The following IGFBP5 variants were observed in gnomAD, a reference collection of about 807,000 sequenced individuals.
The protein encoded by IGFBP5 is insulin like growth factor binding protein 5.
In IGFBP5, 12 loss-of-function variants were observed where a neutral mutation model predicts 28.0. The ratio of observed to expected loss-of-function variants is 0.43; its 90% confidence interval spans 0.27 to 0.69. The LOEUF (loss-of-function observed/expected upper bound fraction) is 0.69. Ranked by LOEUF, IGFBP5 falls within the 30% of genes least tolerant of loss-of-function variation. IGFBP5 has a pLI of 0.20. For missense variants in IGFBP5, 344 were observed against 381.6 expected, an observed-to-expected ratio of 0.90 and a Z score of 0.82; for synonymous variants, 152 against 150.2, an observed-to-expected ratio of 1.01 and a Z score of -0.09.
chr2:216,685,704 T>C (rs1172932621), intron 1 of IGFBP5, among the ~76,000 whole-genome samples: 1 of 152,178 alleles, frequency 6.6e-6, no homozygotes, highest in Non-Finnish European at 1.5e-5. Flanking sequence ...TCAAATGGCT[T>C]TTCTGCGCTT....
At position 216,681,874 on chromosome 2, in the gene IGFBP5, C is replaced by T. The variant is rs555359183; in HGVS notation, c.338-2795G>A. On this transcript the variant is annotated intron_variant, in intron 1 of 3. Coordinates refer to ENST00000233813, the MANE Select transcript of IGFBP5 (RefSeq NM_000599.4). ...GGGCTGTCCTTAACCTTGAGTCACC[C>T]TTTCTGGGAGGGGGATGGGGCTGTT... Among the ~76,000 whole-genome samples the T allele has an allele frequency of 7.2e-5, 11 of 152,234 alleles. No homozygotes were observed. The South Asian group carries it at 2.3e-3, about 32-fold the overall frequency.
chr2:216,679,123 T>A lies in IGFBP5; in HGVS notation c.338-44A>T, dbSNP rs1553550684. 4 of 1,536,264 alleles carry A rather than the reference T, an allele frequency of 2.6e-6. No individual in the cohort carries two copies. The highest frequency in any genetic ancestry group is 3.6e-6 in the Non-Finnish European group (4 of 1,109,916). ...GAGGGTCAGCCCCCGTGGGCCAAGGTGCACACGGCCAGAGCCCAGGGCTGG... is the reference window on the plus strand; with the variant it reads ...GAGGGTCAGCCCCCGTGGGCCAAGGAGCACACGGCCAGAGCCCAGGGCTGG... On this transcript the variant is annotated intron_variant, in intron 1 of 3. Coordinates refer to ENST00000233813, the MANE Select transcript of IGFBP5 (RefSeq NM_000599.4). The surrounding 1 kb of genome is among the most constrained non-coding windows in gnomAD (Gnocchi z 4.6).
In IGFBP5 at chr2:216,692,952, C is replaced by T. The variant is rs1689118521; in HGVS notation, c.337+1487G>A. ...TGCACTATAGTGACTGAAATTTGCA[C>T]TTCAGAAAACTCATGTTAGGGTGCT... On this transcript the variant is annotated intron_variant, in intron 1 of 3. Coordinates refer to ENST00000233813, the MANE Select transcript of IGFBP5 (RefSeq NM_000599.4). This position sits in a 1 kb window ranked among gnomAD's most constrained non-coding sequence, Gnocchi z 4.2. Among the ~76,000 whole-genome samples the T allele has an allele frequency of 6.6e-6, 1 of 152,054 alleles. No individual in the cohort carries two copies. Among genetic ancestry groups the T allele is most frequent in the African/African-American group, 2.4e-5 (1 of 41,398 alleles).
chr2:216,682,860 C>T (rs1688992489), intron 1 of IGFBP5, among the ~76,000 whole-genome samples: 1 of 152,056 alleles, frequency 6.6e-6, no homozygotes, highest in South Asian at 2.1e-4. Flanking sequence ...AGGCGCCCGC[C>T]ACCATGCCCG....
chr2:216,686,223 A>G (rs974191115), intron 1 of IGFBP5, among the ~76,000 whole-genome samples: 1 of 152,226 alleles, frequency 6.6e-6, no homozygotes, highest in African/African-American at 2.4e-5. Flanking sequence ...AGCTGGGAAT[A>G]TATCTCTATC....
rs59144401 is a variant in IGFBP5 at position 216,692,362 on chromosome 2, CGTGTGTGTGTGTGTGTGTGTGT to C, written c.337+2055_337+2076del. On this transcript the variant is annotated intron_variant, in intron 1 of 3. Coordinates refer to ENST00000233813, the MANE Select transcript of IGFBP5 (RefSeq NM_000599.4). This position sits in a 1 kb window ranked among gnomAD's most constrained non-coding sequence, Gnocchi z 4.2. Reference sequence around the variant, plus strand: ...GGGATCTTGCTTGGGACTGAAGTGTCGTGTGTGTGTGTGTGTGTGTGTGTGTGTGTGTGTGTGTGTGATGCGC... The same window carrying C: ...GGGATCTTGCTTGGGACTGAAGTGTCGTGTGTGTGTGTGTGTGTGATGCGC... 2.1e-5 allele frequency among the ~76,000 whole-genome samples: 3 copies of C among 142,534 alleles called. No homozygotes were observed. The highest frequency in any genetic ancestry group is 3.1e-5 in the Non-Finnish European group (2 of 64,932). The allele number at this position is 142,534 out of a possible 152,430, so 93.5% of individuals were successfully genotyped here. A position where few individuals can be genotyped will look rare whatever the true frequency, so the allele number is the denominator to read the frequency against.
At chr2:216,693,322 G>T (rs1689123732) in intron 1 of IGFBP5, among the ~76,000 whole-genome samples, 2 of 151,934 alleles carry the variant, frequency 1.3e-5, no homozygotes, top group South Asian at 2.1e-4. Context: ...AAGCGGAGGC[G>T]AGGCTCCCAG....
chr2:216,688,756 T>A (rs1436100038), intron 1 of IGFBP5, among the ~76,000 whole-genome samples: 1 of 152,178 alleles, frequency 6.6e-6, no homozygotes, highest in Admixed American at 6.5e-5. Flanking sequence ...AAACATGAGA[T>A]AACTGAGTTC....
intron 1 of IGFBP5, among the ~76,000 whole-genome samples, chr2:216,682,769 C>T (rs1184675179): frequency 1.3e-5 from 2 of 151,504 alleles, no homozygotes; most frequent in African/African-American, 2.4e-5. Flanking sequence ...AGTGCAGTGG[C>T]GCGATCTCGG....
At position 216,678,898 on chromosome 2, in the gene IGFBP5, G is replaced by A. The variant is rs568267431; in HGVS notation, c.519C>T (p.Ala173=). 2.5e-6 allele frequency: 4 copies of A among 1,614,156 alleles called. No individual in the cohort carries two copies. The highest frequency in any genetic ancestry group is 3.4e-6 in the Non-Finnish European group (4 of 1,180,028). ...CAGGTGCAGAGATGATCCGGGGGTG[G>A]GCAGTGTTCTCGGCTCCCCCGACAA... ...SKFVGGAENT[A]HPRIISAPEM... is the part of the protein sequence containing the mutation. The change falls in exon 2 of 4, where the codon GCC becomes GCT. Residue 173 remains alanine (A), a synonymous_variant. Coordinates refer to ENST00000233813, the MANE Select transcript of IGFBP5 (RefSeq NM_000599.4).
intron 1 of IGFBP5, among the ~76,000 whole-genome samples, chr2:216,684,952 C>G (rs1158702020): frequency 6.6e-6 from 1 of 152,134 alleles, no homozygotes; most frequent in East Asian, 1.9e-4. Context: ...CTCCTGGATT[C>G]ACTGGGCTTC....
chr2:216,694,635 C>A lies in IGFBP5; in HGVS notation c.141G>T (p.Leu47=). ...MCPPSPLGCE[L]VKEPGCGCCM... ...AGCAGCCGCAGCCCGGCTCCTTGAC[C>A]AGCTCGCAGCCCAGGGGGCTGGGGG... is the stretch of plus-strand genomic sequence containing the variant. The change falls in exon 1 of 4, where the codon CTG becomes CTT. Residue 47 remains leucine (L), a synonymous_variant. Coordinates refer to ENST00000233813, the MANE Select transcript of IGFBP5 (RefSeq NM_000599.4). The surrounding 1 kb of genome is among the most constrained non-coding windows in gnomAD (Gnocchi z 5.2). 1 of 1,533,462 alleles carries A rather than the reference C, an allele frequency of 6.5e-7. No homozygotes were observed. The allele number at this position is 1,533,462 out of a possible 1,614,324, so 95.0% of individuals were successfully genotyped here.
rs543201400 is a variant in IGFBP5 at position 216,678,220 on chromosome 2, G to T, written c.579C>A (p.Arg193=). ...CCTGCAGGGAAGCCTCCATGTGTCT[G>T]CGGCAGGGGCCCTGTGTGGACAGGA... The part of the protein sequence containing the change: ...MRQESEQGPC[R]RHMEASLQEL... Residue 193 remains arginine, a synonymous_variant, in exon 3 of 4, where the codon CGC becomes CGA. Transcript: ENST00000233813. 5.1e-6 allele frequency: 8 copies of T among 1,577,000 alleles called. No individual in the cohort carries two copies. The South Asian group carries it at 9.4e-5, about 18-fold the overall frequency.
chr2:216,691,029 G>A (rs1268580311), intron 1 of IGFBP5, among the ~76,000 whole-genome samples: 1 of 152,022 alleles, frequency 6.6e-6, no homozygotes, highest in African/African-American at 2.4e-5. Context: ...AGGGGGTGCG[G>A]GTGGGAAAGG....
chr2:216,678,803 G>A, intron 2 of IGFBP5, 47 bp downstream of exon 2: 2 of 1,510,810 alleles, frequency 1.3e-6, no homozygotes, highest in Non-Finnish European at 1.8e-6. Context: ...TTAGATGCAG[G>A]AAAAGGTCAA....
intron 1 of IGFBP5, among the ~76,000 whole-genome samples, chr2:216,683,549 G>A (rs72952591): frequency 2.0e-5 from 3 of 152,194 alleles, no homozygotes; most frequent in African/African-American, 4.8e-5. Context: ...GGCAGGTGAG[G>A]GAGAGGGGAA....
chr2:216,694,153 A>G lies in IGFBP5; in HGVS notation c.337+286T>C, dbSNP rs946101272. 1.3e-5 allele frequency among the ~76,000 whole-genome samples: 2 copies of G among 151,814 alleles called. No individual in the cohort carries two copies. The highest frequency in any genetic ancestry group is 1.9e-4 in the East Asian group (1 of 5,178). ...CAGGGGATTTGGACCTTGTGACCGA[A>G]TAAGAGCTCAGAATCAGTATTCGGA... On this transcript the variant is annotated intron_variant, in intron 1 of 3. Transcript: ENST00000233813. The surrounding 1 kb of genome is among the most constrained non-coding windows in gnomAD (Gnocchi z 5.2).
intron 1 of IGFBP5, among the ~76,000 whole-genome samples, chr2:216,680,926 C>T (rs865808333): frequency 6.6e-6 from 1 of 152,154 alleles, no homozygotes; most frequent in African/African-American, 2.4e-5. Context: ...GCTGTGACGA[C>T]TCATCAATAG....
chr2:216,685,710 C>T (rs926910366), intron 1 of IGFBP5, among the ~76,000 whole-genome samples: 3 of 152,110 alleles, frequency 2.0e-5, no homozygotes, highest in Non-Finnish European at 4.4e-5. Flanking sequence ...GGCTTTTCTG[C>T]GCTTGTGTGT....
Sources: allele counts gnomAD v4.1 joint callset (sites outside exome capture counted in the v4.1 genomes callset), GRCh38; gene constraint gnomAD v4.1.1; non-coding constraint Gnocchi (gnomAD v3.1); transcripts MANE v1.5; gene names NCBI Gene and HGNC (gene_info 2026-07-23, HGNC 2026-07-21).